The following RALGDS variants were observed in gnomAD, a reference collection of about 807,000 sequenced individuals.
RALGDS encodes ral guanine nucleotide dissociation stimulator.
In RALGDS, 44 loss-of-function variants were observed where a neutral mutation model predicts 99.8. The observed-to-expected ratio is 0.44, with a 90% confidence interval of 0.35 to 0.57. The LOEUF is 0.57. Ranked by LOEUF, RALGDS falls within the 20% of genes least tolerant of loss-of-function variation. The probability of loss-of-function intolerance (pLI) is 0.01; values close to 1 mark genes in which losing one functional copy is unlikely to be tolerated. For synonymous variants in RALGDS, 529 were observed against 505.0 expected, an observed-to-expected ratio of 1.05 and a Z score of -0.64; for missense variants, 1,022 against 1,203.1, an observed-to-expected ratio of 0.85 and a Z score of 2.23.
intron 1 of RALGDS, among the ~76,000 whole-genome samples, chr9:133,130,657 A>C (rs1483223119): frequency 6.6e-6 from 1 of 151,854 alleles, no homozygotes; most frequent in Non-Finnish European, 1.5e-5. Flanking sequence ...CCACCACCAC[A>C]ACAATACAAC....
At position 133,102,820 on chromosome 9, in the gene RALGDS, C is replaced by G; in HGVS notation, c.1872G>C (p.Gly624=). 1 of 1,613,574 alleles carries G rather than the reference C, an allele frequency of 6.2e-7. No homozygotes were observed. Among genetic ancestry groups the G allele is most frequent in the Non-Finnish European group, 8.5e-7 (1 of 1,179,988 alleles). ...NYSIAPDEQF[G]AWFRAVERLS... ...GCCGCTCCACGGCCCGGAACCAGGC[C>G]CCAAATTGCTCATCTGGCGCGATGC... Residue 624 remains glycine (G), a synonymous_variant, in exon 13 of 18, where the codon GGG becomes GGC. Transcript: ENST00000372050.
intron 17 of RALGDS, 26 bp from the exon 18 acceptor site, chr9:133,098,788 T>A (rs1168558821): frequency 2.5e-6 from 4 of 1,612,182 alleles, no homozygotes; most frequent in Non-Finnish European, 3.4e-6. Context: ...AGAGGGGTGA[T>A]CAGGGATGCT....
In RALGDS at chr9:133,109,765, A is replaced by G. The variant is rs370280151; in HGVS notation, c.489-44T>C. 3 of 1,544,738 alleles carry G rather than the reference A, an allele frequency of 1.9e-6. No homozygotes were observed. In the African/African-American group the frequency reaches 4.1e-5, roughly 21 times the overall value. ...GTTACTGTCTGACTCTCCGACTAGA[A>G]CGGAGGCCCAGGAGGGCAGGGATTT... On this transcript the variant is annotated intron_variant, in intron 3 of 17. Transcript: ENST00000372050.
At chr9:133,111,889 A>G (rs1365779610) in intron 2 of RALGDS, among the ~76,000 whole-genome samples, 153 bp downstream of exon 2, 2 of 152,128 alleles carry the variant, frequency 1.3e-5, no homozygotes, top group African/African-American at 4.8e-5. Context: ...GAGGTCAAAC[A>G]TGAAAACCCG....
rs1025529186 is a variant in RALGDS at position 133,129,380 on chromosome 9, C to T, written c.132+1572G>A. On this transcript the variant is annotated intron_variant, in intron 1 of 17. Coordinates refer to the RALGDS transcript ENST00000372062. ...GGAGGCCCTCTGCCAGTGTGCTCGT[C>T]GCCTGCGTGCCCTAGTGGAGTGGAG... 25 of 1,480,256 alleles carry T rather than the reference C, an allele frequency of 1.7e-5. No individual in the cohort carries two copies. In the Middle Eastern group the frequency reaches 5.6e-4, roughly 33 times the overall value. 91.7% of individuals were successfully genotyped at this position (1,480,256 alleles called of 1,614,324 possible). A position where few individuals can be genotyped will look rare whatever the true frequency, so the allele number is the denominator to read the frequency against.
At chr9:133,101,237 G>A in intron 16 of RALGDS, 1 of 1,307,502 alleles carries the variant, frequency 7.6e-7, no homozygotes, top group Non-Finnish European at 9.8e-7. Context: ...GCAGGGCTCA[G>A]GGCCTATGTG....
At chr9:133,120,000 G>A (rs956189963) in intron 1 of RALGDS, among the ~76,000 whole-genome samples, 1 of 152,202 alleles carries the variant, frequency 6.6e-6, no homozygotes, top group African/African-American at 2.4e-5. Context: ...GGGGACTCAG[G>A]AGGTTCACTG....
Position 133,102,155 on chromosome 9 carries a change from G to A in RALGDS, c.2010-16C>T. The A allele has an allele frequency of 1.3e-6, 2 of 1,555,132 alleles. No individual in the cohort carries two copies. Among genetic ancestry groups the A allele is most frequent in the South Asian group, 1.2e-5 (1 of 84,452 alleles). ...GGCCTGGCGGCTGGGTGAAGAGTTGGCTTAGTTAAGGGGGCTCCCCAAGGA... is the reference window on the plus strand; with the variant it reads ...GGCCTGGCGGCTGGGTGAAGAGTTGACTTAGTTAAGGGGGCTCCCCAAGGA... On this transcript the variant is annotated splice_polypyrimidine_tract_variant and intron_variant, in intron 14 of 17. Coordinates refer to ENST00000372050, the MANE Select transcript of RALGDS (RefSeq NM_006266.4).
rs556188646 is a variant in RALGDS at position 133,108,395 on chromosome 9, C to T, written c.790G>A (p.Val264Met). The T allele has an allele frequency of 1.5e-5, 23 of 1,536,658 alleles. No homozygotes were observed. The highest frequency in any genetic ancestry group is 3.3e-4 in the Middle Eastern group (2 of 5,972). ...TCTGGAGTTGGTTTTAGAGCTGGCA[C>T]TGGTGACAGAGCTGCAAGAGGAGAA... ...IEAEPEALSP[V>M]PALKPTPELE... The change falls in exon 6 of 18, where the codon GTG (valine) becomes ATG (methionine). Residue 264 changes from valine (V) to methionine (M), a missense_variant. Physicochemically the swap from Val to Met is conservative, Grantham distance 21 (BLOSUM62 1). Coordinates refer to ENST00000372050, the MANE Select transcript of RALGDS (RefSeq NM_006266.4).
At chr9:133,127,981 C>T (rs1363712240) in intron 1 of RALGDS, among the ~76,000 whole-genome samples, 1 of 152,218 alleles carries the variant, frequency 6.6e-6, no homozygotes, top group Non-Finnish European at 1.5e-5. Context: ...CGCTGTGGGG[C>T]CCTGCTGTCA....
intron 10 of RALGDS, 65 bp from the exon 11 acceptor site, chr9:133,103,898 C>T: frequency 6.7e-7 from 1 of 1,498,604 alleles, no homozygotes. Flanking sequence ...GCCCCCAGCC[C>T]CAACTGGTCT....
chr9:133,148,938 G>T, intron 1 of RALGDS: 1 of 1,601,898 alleles, frequency 6.2e-7, no homozygotes, highest in African/African-American at 1.3e-5. Flanking sequence ...CCCGCGACGC[G>T]AGGCTGGGGA....
At chr9:133,111,994 G>C (rs1831367000) in intron 2 of RALGDS, 48 bp downstream of exon 2, 1 of 1,414,154 alleles carries the variant, frequency 7.1e-7, no homozygotes, top group Non-Finnish European at 9.8e-7. Flanking sequence ...AAAGTCCTGG[G>C]AGGGATCCCC....
intron 1 of RALGDS, among the ~76,000 whole-genome samples, chr9:133,141,626 G>A (rs1259168645): frequency 1.3e-5 from 2 of 152,248 alleles, no homozygotes; most frequent in African/African-American, 4.8e-5. Flanking sequence ...GAGGACCAGG[G>A]GCCTGATGGC....
In RALGDS at chr9:133,098,102, T is replaced by G; in HGVS notation, c.*485A>C. The G allele has an allele frequency of 1.1e-5, 3 of 268,820 alleles. No homozygotes were observed. Among genetic ancestry groups the G allele is most frequent in the Non-Finnish European group, 2.2e-5 (3 of 138,692 alleles). The allele number at this position is 268,820 out of a possible 1,614,324, so 16.7% of individuals were successfully genotyped here. The stretch of plus-strand genomic sequence containing the variant: ...CCTCACTCTCAGTTGGCCCTGATGA[T>G]GGAATCTTTGGTGCAGCCTGAGAAA... On this transcript the variant is annotated 3_prime_UTR_variant, in exon 18 of 18. Transcript: ENST00000372050.
In RALGDS at chr9:133,110,424, C is replaced by T. The variant is rs780501617; in HGVS notation, c.360G>A (p.Thr120=). ...TCKVRTVKAG[T]LEKLVEHLVP... is the part of the protein sequence containing the mutation. ...CCAGGTGCTCCACCAGCTTCTCCAG[C>T]GTGCCAGCCTTCACGGTCCGCACCT... Residue 120 remains threonine (T), a synonymous_variant, in exon 3 of 18, where the codon ACG becomes ACA. Transcript: ENST00000372050. 3.2e-5 allele frequency: 51 copies of T among 1,613,244 alleles called. No homozygotes were observed. Among genetic ancestry groups the T allele is most frequent in the Non-Finnish European group, 4.1e-5 (48 of 1,179,784 alleles).
intron 1 of RALGDS, chr9:133,129,315 C>G: frequency 4.4e-6 from 7 of 1,581,906 alleles, no homozygotes; most frequent in Non-Finnish European, 6.0e-6. Context: ...GCTTCCCGGG[C>G]CATGGTGGGG....
In RALGDS at chr9:133,108,936, G is replaced by A. The variant is rs76521920; in HGVS notation, c.585-70C>T. On this transcript the variant is annotated intron_variant, in intron 4 of 17. Transcript: ENST00000372050. Reference sequence around the variant, plus strand: ...CTGAGCCAGGCTGGGCTCCTGAGCCGGCCCCTGTCCATCTGAAGGCCACCT... The same window carrying A: ...CTGAGCCAGGCTGGGCTCCTGAGCCAGCCCCTGTCCATCTGAAGGCCACCT... 6,519 of 1,457,554 alleles carry A rather than the reference G, an allele frequency of 4.5e-3. 208 individuals carry two copies. In the African/African-American group the frequency reaches 0.074, roughly 16 times the overall value. 90.3% of individuals were successfully genotyped at this position (1,457,554 alleles called of 1,614,324 possible).
At position 133,144,360 on chromosome 9, in the gene RALGDS, C is replaced by T. The variant is rs906994390; in HGVS notation, c.18+4603G>A. Among the ~76,000 whole-genome samples, 1 of 152,136 alleles carries T rather than the reference C, an allele frequency of 6.6e-6. No individual in the cohort carries two copies. The highest frequency in any genetic ancestry group is 2.4e-5 in the African/African-American group (1 of 41,432). On this transcript the variant is annotated intron_variant, in intron 1 of 17. Coordinates refer to the RALGDS transcript ENST00000393160. This position sits in a 1 kb window ranked among gnomAD's most constrained non-coding sequence, Gnocchi z 4.5. ...CCACGGTCTGCAAACCATGGTCCTCCTCGCCACCCCTGTCACCTCCTCCTC... is the reference window on the plus strand; with the variant it reads ...CCACGGTCTGCAAACCATGGTCCTCTTCGCCACCCCTGTCACCTCCTCCTC...
Sources: gnomAD v4.1 joint callset for allele counts (sites outside exome capture counted in the v4.1 genomes callset) on GRCh38, gnomAD v4.1.1 for gene constraint, Gnocchi (gnomAD v3.1) non-coding constraint, MANE v1.5 for transcripts, NCBI Gene and HGNC (gene_info 2026-07-23, HGNC 2026-07-21) for gene names.